DMD: variants seen among roughly 807,000 people sequenced by gnomAD.
DMD encodes mutant dystrophin.
A neutral mutation model predicts 330.1 loss-of-function variants in DMD; 63 were observed. That is an observed-to-expected ratio of 0.19 (90% confidence interval 0.16 to 0.24). The LOEUF (loss-of-function observed/expected upper bound fraction) is 0.24. DMD is among the 10% of genes least tolerant of loss of function. The pLI is 1.00. For missense variants in DMD, 3,344 were observed against 2,684.1 expected, an observed-to-expected ratio of 1.25 and a Z score of -5.43; for synonymous variants, 1,223 against 959.8, an observed-to-expected ratio of 1.27 and a Z score of -5.07.
chrX:31,682,408 T>G (rs1255894399), intron 52 of DMD, among the ~76,000 whole-genome samples: 1 of 111,891 alleles, frequency 8.9e-6, no homozygotes, highest in African/African-American at 3.2e-5. Flanking sequence ...CACTAGGTAG[T>G]GGAACAGCTT....
chrX:31,561,581 G>A (rs904537877), intron 55 of DMD, among the ~76,000 whole-genome samples: 1 of 111,617 alleles, frequency 9.0e-6, no homozygotes, highest in Non-Finnish European at 1.9e-5. Context: ...CTTAAAATGC[G>A]GGTTAACTCA....
At chrX:32,538,884 T>G (rs1364132205) in intron 17 of DMD, among the ~76,000 whole-genome samples, 1 of 110,440 alleles carries the variant, frequency 9.1e-6, no homozygotes, top group Non-Finnish European at 1.9e-5. Context: ...GTAAAATATT[T>G]TTGGGCCCAC....
At chrX:31,290,747 C>A (rs1448569110) in intron 62 of DMD, among the ~76,000 whole-genome samples, 1 of 111,909 alleles carries the variant, frequency 8.9e-6, no homozygotes, top group Non-Finnish European at 1.9e-5. Context: ...GTCTGATATT[C>A]CTTCACTCTA....
chrX:32,033,512 A>G (rs1440786636), intron 44 of DMD, among the ~76,000 whole-genome samples: 2 of 108,658 alleles, frequency 1.8e-5, no homozygotes, highest in Non-Finnish European at 3.8e-5. Flanking sequence ...ATTTTATTGT[A>G]TCAAGTGGTT....
At chrX:31,757,815 G>A (rs958758626) in intron 51 of DMD, among the ~76,000 whole-genome samples, 9 of 110,582 alleles carry the variant, frequency 8.1e-5, no homozygotes, top group Admixed American at 7.7e-4. Flanking sequence ...GGAAATTCCC[G>A]TGGCTAAAGA....
rs1304072424 is a variant in DMD at position 31,768,746 on chromosome X, T to C, written c.7542+5214A>G. Among the ~76,000 whole-genome samples, 3 of 112,345 alleles carry C rather than the reference T, an allele frequency of 2.7e-5. No individual in the cohort carries two copies. The Admixed American group carries it at 2.8e-4, about 11-fold the overall frequency. On this transcript the variant is annotated intron_variant, in intron 51 of 78. Transcript: ENST00000357033. ...ATTTCTCCGACACTAAGCTATAAAG[T>C]ACAAATCATCCACTGCTATTGATTC...
intron 1 of DMD, among the ~76,000 whole-genome samples, chrX:33,063,797 A>G (rs140123336): frequency 9.0e-6 from 1 of 110,694 alleles, no homozygotes; most frequent in East Asian, 2.9e-4. Context: ...GGGCTTGGGC[A>G]TATGGTTGAA....
chrX:32,000,263 C>G, intron 44 of DMD, among the ~76,000 whole-genome samples: 1 of 112,212 alleles, frequency 8.9e-6, no homozygotes, highest in East Asian at 2.8e-4. Context: ...ACATTTTAAA[C>G]ACCTTCAATG....
intron 47 of DMD, among the ~76,000 whole-genome samples, chrX:31,906,608 A>G (rs992346943): frequency 8.0e-5 from 9 of 112,340 alleles, no homozygotes; most frequent in African/African-American, 2.9e-4. Context: ...ATTGTCTTTA[A>G]AGGCAATATC....
intron 60 of DMD, among the ~76,000 whole-genome samples, chrX:31,417,991 A>G (rs992940069): frequency 9.3e-6 from 1 of 107,306 alleles, no homozygotes; most frequent in African/African-American, 3.4e-5. Context: ...GCCTGGCCCT[A>G]TTATTACTCT....
intron 30 of DMD, among the ~76,000 whole-genome samples, chrX:32,407,017 A>C (rs2098120323): frequency 8.9e-6 from 1 of 111,932 alleles, no homozygotes; most frequent in Non-Finnish European, 1.9e-5. Flanking sequence ...AAAACCATAA[A>C]AACCCTAGAA....
intron 1 of DMD, among the ~76,000 whole-genome samples, chrX:33,313,503 T>C (rs1394193051): frequency 9.0e-6 from 1 of 111,517 alleles, no homozygotes; most frequent in African/African-American, 3.3e-5. Flanking sequence ...TGTACTGCAA[T>C]TTTAAGCAAA....
rs183696260 is a variant in DMD at position 31,446,761 on chromosome X, G to A, written c.8938-2134C>T. 1.9e-4 allele frequency among the ~76,000 whole-genome samples: 21 copies of A among 112,133 alleles called. No homozygotes were observed. In the Admixed American group the frequency reaches 2.0e-3, roughly 11 times the overall value. On this transcript the variant is annotated intron_variant, in intron 59 of 78. Coordinates refer to ENST00000357033, the MANE Select transcript of DMD (RefSeq NM_004006.3). The stretch of plus-strand genomic sequence containing the variant: ...AAAACAGATTTCTTAAATGTCAATG[G>A]GGGAAACTTGGACAAGGACAACGGT...
chrX:32,667,772 T>TTA (rs2061399354), intron 9 of DMD, among the ~76,000 whole-genome samples: 2 of 96,403 alleles, frequency 2.1e-5, no homozygotes, highest in African/African-American at 1.1e-4. Context: ...TTTGTGTTTT[T>TTA]TTTTTTTTTT....
intron 37 of DMD, among the ~76,000 whole-genome samples, chrX:32,353,573 C>T (rs1160142264): frequency 9.0e-6 from 1 of 111,107 alleles, no homozygotes. Context: ...TTAAATCACA[C>T]AATGTTAGAC....
chrX:32,734,570 T>C (rs1364039124), intron 7 of DMD, among the ~76,000 whole-genome samples: 32 of 103,300 alleles, frequency 3.1e-4, no homozygotes, highest in African/African-American at 1.1e-3. Flanking sequence ...TCCACCATGA[T>C]CAAGTGGGCT....
intron 60 of DMD, among the ~76,000 whole-genome samples, chrX:31,410,124 A>C (rs921750594): frequency 8.9e-6 from 1 of 112,530 alleles, no homozygotes; most frequent in Non-Finnish European, 1.9e-5. Flanking sequence ...CCGGCCCTTA[A>C]ACCATTTTTA....
At position 32,614,322 on chromosome X, in the gene DMD, C is replaced by T. The variant is rs794727065; in HGVS notation, c.1463G>A (p.Arg488His). The change falls in exon 12 of 79, where the codon CGC becomes CAC. Residue 488 changes from arginine to histidine, a missense_variant. Physicochemically the swap from Arg to His is conservative, Grantham distance 29. Coordinates refer to ENST00000357033, the MANE Select transcript of DMD (RefSeq NM_004006.3). Reference protein sequence around the residue: ...PLGPDLEDLKRQVQQHKVLQE... With the variant: ...PLGPDLEDLKHQVQQHKVLQE... ...ACCTACCTTATGTTGTTGTACTTGG[C>T]GTTTTAGGTCTTCAAGATCAGGTCC... 11 of 1,205,692 alleles carry T rather than the reference C, an allele frequency of 9.1e-6. No individual in the cohort carries two copies. Among genetic ancestry groups the T allele is most frequent in the Non-Finnish European group, 5.6e-6 (5 of 893,168 alleles).
chrX:32,620,596 A>C (rs1273823353), intron 11 of DMD, among the ~76,000 whole-genome samples: 3 of 112,236 alleles, frequency 2.7e-5, no homozygotes, highest in Non-Finnish European at 5.6e-5. Context: ...ATATCCATTT[A>C]AGTGGAAGCA....
Sources: allele counts gnomAD v4.1 joint callset (sites outside exome capture counted in the v4.1 genomes callset), GRCh38; gene constraint gnomAD v4.1.1; transcripts MANE v1.5; gene names NCBI Gene and HGNC (gene_info 2026-07-23, HGNC 2026-07-21).